CNNM2: variants seen among roughly 807,000 people sequenced by gnomAD.
CNNM2 encodes the protein metal transporter CNNM2.
CNNM2 carries 12 observed loss-of-function variants against 66.9 expected under a neutral mutation model. The observed-to-expected ratio is 0.18, with a 90% CI of 0.11 to 0.29. CNNM2 has a LOEUF of 0.29. CNNM2 is among the 10% of genes least tolerant of loss of function. The pLI, the probability that CNNM2 is intolerant of heterozygous loss-of-function variation, is 1.00. For missense variants in CNNM2, 705 were observed against 1,167.7 expected, an observed-to-expected ratio of 0.60 and a Z score of 5.77; for synonymous variants, 557 against 501.8, an observed-to-expected ratio of 1.11 and a Z score of -1.47.
At chr10:102,956,042 C>G (rs1277701837) in intron 1 of CNNM2, among the ~76,000 whole-genome samples, 1 of 152,146 alleles carries the variant, frequency 6.6e-6, no homozygotes, top group African/African-American at 2.4e-5. Context: ...AATCCCAGCA[C>G]TTTGGGAGGC....
chr10:103,032,869 A>C (rs925815966), intron 1 of CNNM2, among the ~76,000 whole-genome samples: 7 of 151,598 alleles, frequency 4.6e-5, no homozygotes, highest in Non-Finnish European at 7.4e-5. Flanking sequence ...TGTAATCCCA[A>C]CACTTTGGGA....
chr10:102,977,602 C>A (rs367559530), intron 1 of CNNM2, among the ~76,000 whole-genome samples: 107 of 152,176 alleles, frequency 7.0e-4, no homozygotes, highest in African/African-American at 2.3e-3. Flanking sequence ...GGGTGGATCA[C>A]CTGAGGTCAG....
chr10:102,999,613 A>G (rs1054206511), intron 1 of CNNM2, among the ~76,000 whole-genome samples: 7 of 152,072 alleles, frequency 4.6e-5, no homozygotes, highest in South Asian at 2.1e-4. Context: ...AGATCTACCT[A>G]TTTAATACAA....
intron 1 of CNNM2, among the ~76,000 whole-genome samples, chr10:102,968,395 C>T (rs1488732364): frequency 6.6e-6 from 1 of 151,944 alleles, no homozygotes; most frequent in African/African-American, 2.4e-5. Context: ...TACAGGTGCC[C>T]AGCACCAAGC....
intron 1 of CNNM2, among the ~76,000 whole-genome samples, chr10:102,940,990 G>A (rs1846412295): frequency 6.6e-6 from 1 of 152,050 alleles, no homozygotes; most frequent in African/African-American, 2.4e-5. Flanking sequence ...CTCCCAAAGG[G>A]TTGGGATTAC....
intron 1 of CNNM2, among the ~76,000 whole-genome samples, chr10:102,971,247 TAA>T (rs1244708758): frequency 6.4e-5 from 5 of 78,638 alleles, no homozygotes; most frequent in Non-Finnish European, 1.0e-4. Context: ...ACCTCGTCCC[TAA>T]AAAAAAAAAA....
At position 103,081,621 on chromosome 10, in the gene CNNM2, C is replaced by T. The variant is rs1564876202; in HGVS notation, c.*4441C>T. 2.0e-5 allele frequency: 3 copies of T among 152,140 alleles called. No individual in the cohort carries two copies. Among genetic ancestry groups the T allele is most frequent in the African/African-American group, 7.2e-5 (3 of 41,412 alleles). The allele number at this position is 152,140 out of a possible 1,614,324, so 9.4% of individuals were successfully genotyped here. On this transcript the variant is annotated 3_prime_UTR_variant, in exon 8 of 8. Coordinates refer to ENST00000369878, the MANE Select transcript of CNNM2 (RefSeq NM_017649.5). ...TTCTAAGTTGAGGTTCATTTGCCTC[C>T]GTTTGAGGGGTGAGTGGTGCACCAA...
intron 4 of CNNM2, among the ~76,000 whole-genome samples, chr10:103,064,392 TTTTTG>T (rs969308708): frequency 2.0e-5 from 3 of 152,276 alleles, no homozygotes; most frequent in Middle Eastern, 3.4e-3. Context: ...ATAGCTGTTT[TTTTTG>T]TTTTGTTTTG....
intron 1 of CNNM2, among the ~76,000 whole-genome samples, chr10:102,974,459 C>T: frequency 6.6e-6 from 1 of 152,116 alleles, no homozygotes; most frequent in Non-Finnish European, 1.5e-5. Flanking sequence ...TTAAGGACAT[C>T]TGCGGAGGGC....
chr10:103,043,342 C>T (rs991689424), intron 1 of CNNM2, among the ~76,000 whole-genome samples: 2 of 152,198 alleles, frequency 1.3e-5, no homozygotes, highest in African/African-American at 2.4e-5. Context: ...TCCATTCCAT[C>T]GACTTTCTTC....
chr10:102,983,792 G>A (rs907224696), intron 1 of CNNM2, among the ~76,000 whole-genome samples: 1 of 148,528 alleles, frequency 6.7e-6, no homozygotes, highest in Non-Finnish European at 1.5e-5. Flanking sequence ...TTTTGACAGA[G>A]TCTTGCTCTG....
intron 1 of CNNM2, among the ~76,000 whole-genome samples, chr10:102,947,339 G>T (rs1012397668): frequency 6.6e-6 from 1 of 152,024 alleles, no homozygotes; most frequent in Admixed American, 6.6e-5. Flanking sequence ...AAACGACTTT[G>T]TTTCTGTTTT....
intron 1 of CNNM2, among the ~76,000 whole-genome samples, chr10:103,009,371 G>T (rs746701583): frequency 6.6e-6 from 1 of 152,098 alleles, no homozygotes; most frequent in Non-Finnish European, 1.5e-5. Context: ...AAAAAATTGG[G>T]ATTGAACCAG....
At chr10:103,047,418 G>A (rs2065144917) in intron 1 of CNNM2, among the ~76,000 whole-genome samples, 1 of 152,206 alleles carries the variant, frequency 6.6e-6, no homozygotes, top group Non-Finnish European at 1.5e-5. Context: ...ACAACTAAAT[G>A]TGGTGTGGTG....
chr10:103,047,256 A>G (rs993280131), intron 1 of CNNM2, among the ~76,000 whole-genome samples: 2 of 152,250 alleles, frequency 1.3e-5, no homozygotes, highest in African/African-American at 4.8e-5. Context: ...TAGAAAACCT[A>G]TAACCCAGTA....
intron 1 of CNNM2, among the ~76,000 whole-genome samples, chr10:102,979,059 G>A (rs2063681555): frequency 6.6e-6 from 1 of 152,122 alleles, no homozygotes; most frequent in African/African-American, 2.4e-5. Flanking sequence ...CCCGGCTTTA[G>A]GCTATTTTGA....
rs372220305 is a variant in CNNM2, at chr10:103,054,122, C to T, written c.1766-207C>T. Reference sequence around the variant, plus strand: ...TCAGGCTGCCTGCGGTCACTCGCTGCGGACTGCGTGGTGCCCAGGCCGCCG... The same window carrying T: ...TCAGGCTGCCTGCGGTCACTCGCTGTGGACTGCGTGGTGCCCAGGCCGCCG... On this transcript the variant is annotated intron_variant, in intron 2 of 7. Coordinates refer to ENST00000369878, the MANE Select transcript of CNNM2 (RefSeq NM_017649.5). The surrounding 1 kb of genome is among the most constrained non-coding windows in gnomAD (Gnocchi z 5.2). Among the ~76,000 whole-genome samples, 2 of 152,198 alleles carry T rather than the reference C, an allele frequency of 1.3e-5. No individual in the cohort carries two copies. The highest frequency in any genetic ancestry group is 2.9e-5 in the Non-Finnish European group (2 of 68,028).
At position 102,927,174 on chromosome 10, in the gene CNNM2, AAT is replaced by A. The variant is rs200797005; in HGVS notation, c.1621+7084_1621+7085del. Among the ~76,000 whole-genome samples the A allele has an allele frequency of 1.5e-3, 232 of 152,038 alleles. 1 individual carries two copies. The highest frequency in any genetic ancestry group is 4.9e-3 in the African/African-American group (203 of 41,526). On this transcript the variant is annotated intron_variant, in intron 1 of 7. Coordinates refer to ENST00000369878, the MANE Select transcript of CNNM2 (RefSeq NM_017649.5). Reference sequence around the variant, plus strand: ...TTTTTCAAATGAGCCCTTTTCTCTAAATATATATATATGTGTGTATGTATATG... The same window carrying A: ...TTTTTCAAATGAGCCCTTTTCTCTAAATATATATATGTGTGTATGTATATG...
intron 1 of CNNM2, among the ~76,000 whole-genome samples, chr10:102,948,442 T>C (rs979865471): frequency 2.0e-5 from 3 of 152,176 alleles, no homozygotes; most frequent in African/African-American, 4.8e-5. Flanking sequence ...GGAGGTAACA[T>C]TGTACACTCA....
Sources: allele counts gnomAD v4.1 joint callset (sites outside exome capture counted in the v4.1 genomes callset), GRCh38; gene constraint gnomAD v4.1.1; non-coding constraint Gnocchi (gnomAD v3.1); transcripts MANE v1.5; gene names NCBI Gene and HGNC (gene_info 2026-07-23, HGNC 2026-07-21).